The following TRERF1 variants were observed in gnomAD, a reference collection of about 807,000 sequenced individuals.
The protein encoded by TRERF1 is transcriptional-regulating factor 1.
A neutral mutation model predicts 122.9 loss-of-function variants in TRERF1; 27 were observed. The ratio of observed to expected loss-of-function variants is 0.22; its 90% CI spans 0.16 to 0.30. The LOEUF is 0.30. Among genes scored for constraint, TRERF1 ranks in the 10% least tolerant of loss-of-function variants. The pLI is 1.00. For missense variants in TRERF1, 1,248 were observed against 1,560.3 expected, an observed-to-expected ratio of 0.80 and a Z score of 3.37; for synonymous variants, 636 against 641.7, an observed-to-expected ratio of 0.99 and a Z score of 0.13.
At chr6:42,321,647 C>G (rs1423539170) in intron 3 of TRERF1, among the ~76,000 whole-genome samples, 1 of 152,194 alleles carries the variant, frequency 6.6e-6, no homozygotes, top group Non-Finnish European at 1.5e-5. Context: ...GGAACTGTGG[C>G]AAACTAGAGT....
chr6:42,408,439 C>T (rs1330627693), intron 2 of TRERF1, among the ~76,000 whole-genome samples: 2 of 128,398 alleles, frequency 1.6e-5, no homozygotes, highest in South Asian at 2.5e-4. Context: ...AGTGCAGTGG[C>T]GTGATCTCGG....
intron 3 of TRERF1, among the ~76,000 whole-genome samples, chr6:42,350,349 C>A (rs376293802): frequency 1.2e-4 from 18 of 152,336 alleles, no homozygotes; most frequent in East Asian, 1.2e-3. Flanking sequence ...AATTTCCCTG[C>A]GCCACAGTTT....
At chr6:42,288,968 T>C (rs1012763100) in intron 4 of TRERF1, among the ~76,000 whole-genome samples, 2 of 151,198 alleles carry the variant, frequency 1.3e-5, no homozygotes, top group Admixed American at 6.6e-5. Flanking sequence ...TGTGTGTGTG[T>C]GTGTGTGTGT....
At chr6:42,331,069 T>C (rs1765156676) in intron 3 of TRERF1, among the ~76,000 whole-genome samples, 1 of 152,178 alleles carries the variant, frequency 6.6e-6, no homozygotes, top group South Asian at 2.1e-4. Flanking sequence ...AGGCATAGAA[T>C]GGAATTCGAC....
Position 42,323,818 on chromosome 6 carries a change from G to C in TRERF1, c.-370-23069C>G, listed in dbSNP as rs1763854774. Among the ~76,000 whole-genome samples the C allele has an allele frequency of 1.3e-5, 2 of 152,192 alleles. 1 individual carries two copies. Among genetic ancestry groups the C allele is most frequent in the African/African-American group, 4.8e-5 (2 of 41,448 alleles). ...GAGGCAGCCAGTGAGACATGTTTAGGGACAGCGAGCAGGTCTACCTGGCCA... is the reference window on the plus strand; with the variant it reads ...GAGGCAGCCAGTGAGACATGTTTAGCGACAGCGAGCAGGTCTACCTGGCCA... On this transcript the variant is annotated intron_variant, in intron 3 of 17. Transcript: ENST00000372922.
intron 2 of TRERF1, among the ~76,000 whole-genome samples, chr6:42,369,258 T>A (rs1229722230): frequency 6.6e-6 from 1 of 152,180 alleles, no homozygotes; most frequent in Non-Finnish European, 1.5e-5. Flanking sequence ...CAGACCAGCC[T>A]GGCCAACATG....
At chr6:42,273,759 T>C (rs1160112996) in intron 4 of TRERF1, among the ~76,000 whole-genome samples, 1 of 152,240 alleles carries the variant, frequency 6.6e-6, no homozygotes. Context: ...TTCAGAATGC[T>C]CTACCAGGCT....
intron 2 of TRERF1, among the ~76,000 whole-genome samples, chr6:42,406,009 G>C (rs1169969265): frequency 6.6e-6 from 1 of 152,092 alleles, no homozygotes; most frequent in Non-Finnish European, 1.5e-5. Context: ...AAAATAACAA[G>C]AGCAGCAGCT....
intron 3 of TRERF1, among the ~76,000 whole-genome samples, chr6:42,323,752 G>A (rs1468774969): frequency 1.3e-5 from 2 of 152,192 alleles, no homozygotes; most frequent in Admixed American, 6.5e-5. Context: ...AAGCAGGTAA[G>A]CATTGGTTGG....
At chr6:42,257,501 G>A (rs898180826) in intron 10 of TRERF1, among the ~76,000 whole-genome samples, 5 of 152,110 alleles carry the variant, frequency 3.3e-5, no homozygotes, top group African/African-American at 7.2e-5. Flanking sequence ...TATCCCATCC[G>A]AACCTCACAG....
intron 3 of TRERF1, among the ~76,000 whole-genome samples, chr6:42,308,485 T>C (rs1296630280): frequency 6.6e-6 from 1 of 151,964 alleles, no homozygotes; most frequent in Non-Finnish European, 1.5e-5. Flanking sequence ...GGTGAGTGGG[T>C]ACAGGGTTTC....
chr6:42,402,882 G>A (rs370771568), intron 2 of TRERF1, among the ~76,000 whole-genome samples: 2 of 152,230 alleles, frequency 1.3e-5, no homozygotes, highest in East Asian at 3.9e-4. Context: ...AGAGGTCAGG[G>A]AAGTCACCCA....
chr6:42,294,961 G>T (rs559011035), intron 4 of TRERF1, among the ~76,000 whole-genome samples: 213 of 149,854 alleles, frequency 1.4e-3, no homozygotes, highest in African/African-American at 4.8e-3. Flanking sequence ...GGGCAGGAAG[G>T]ATGAATCATG....
chr6:42,280,583 T>C (rs185524223), intron 4 of TRERF1, among the ~76,000 whole-genome samples: 3 of 152,306 alleles, frequency 2.0e-5, no homozygotes, highest in Admixed American at 6.5e-5. Context: ...CCCAGCCACT[T>C]GGCCGTGCCT....
chr6:42,336,982 T>C (rs189528630), intron 3 of TRERF1, among the ~76,000 whole-genome samples: 30 of 152,240 alleles, frequency 2.0e-4, no homozygotes, highest in African/African-American at 6.3e-4. Flanking sequence ...GAGCAGCTCA[T>C]GATAGGAGCT....
Position 42,387,794 on chromosome 6 carries a change from T to TTTTTATTTTA in TRERF1, c.-453-24725_-453-24716dup, listed in dbSNP as rs539342079. 6.1e-4 allele frequency among the ~76,000 whole-genome samples: 92 copies of TTTTTATTTTA among 151,288 alleles called. 2 individuals are homozygous for TTTTTATTTTA. The highest frequency in any genetic ancestry group is 1.7e-3 in the African/African-American group (70 of 40,962). ...ACATCAGTAAACCAAGATGCTACCTTTTTTATTTTATTTTATTTTATTTTA... is the reference window on the plus strand; with the variant it reads ...ACATCAGTAAACCAAGATGCTACCTTTTTTATTTTATTTTATTTTATTTTATTTTATTTTA... On this transcript the variant is annotated intron_variant, in intron 2 of 17. Coordinates refer to ENST00000372922, the Ensembl canonical transcript of TRERF1.
intron 3 of TRERF1, among the ~76,000 whole-genome samples, chr6:42,328,921 C>T (rs1191642427): frequency 1.3e-5 from 2 of 152,092 alleles, no homozygotes; most frequent in African/African-American, 4.8e-5. Context: ...TCCTCCCTGA[C>T]CAGGTCTCCG....
intron 3 of TRERF1, among the ~76,000 whole-genome samples, chr6:42,331,982 G>A (rs539105558): frequency 6.6e-4 from 100 of 152,250 alleles, no homozygotes; most frequent in Non-Finnish European, 1.3e-3. Context: ...TTACTCTGTC[G>A]CCCAGGCTAC....
intron 4 of TRERF1, among the ~76,000 whole-genome samples, chr6:42,286,012 T>C (rs1186922432): frequency 7.3e-5 from 11 of 151,408 alleles, no homozygotes; most frequent in South Asian, 4.2e-4. Context: ...ATCTGATCTT[T>C]GACAAACCTG....
Sources: allele counts gnomAD v4.1 joint callset (sites outside exome capture counted in the v4.1 genomes callset), GRCh38; gene constraint gnomAD v4.1.1; transcripts MANE v1.5; gene names NCBI Gene and HGNC (gene_info 2026-07-23, HGNC 2026-07-21).